Variants in ADAMTSL4 observed in about 807,000 individuals in gnomAD.
ADAMTSL4 encodes ADAMTS-like protein 4.
A neutral mutation model predicts 122.8 loss-of-function variants in ADAMTSL4; 97 were observed. The ratio of observed to expected loss-of-function variants is 0.79; its 90% CI spans 0.67 to 0.93. The LOEUF (loss-of-function observed/expected upper bound fraction) is 0.93, where lower values mean the gene tolerates loss of function less well. Ranked by LOEUF, ADAMTSL4 falls within the 40% of genes least tolerant of loss-of-function variation. The pLI, the probability that ADAMTSL4 is intolerant of heterozygous loss-of-function variation, is 0.00. For synonymous variants in ADAMTSL4, 592 were observed against 568.0 expected, an observed-to-expected ratio of 1.04 and a Z score of -0.60; for missense variants, 1,408 against 1,453.5, an observed-to-expected ratio of 0.97 and a Z score of 0.51.
Position 150,558,946 on chromosome 1 carries a change from C to T in ADAMTSL4, c.2560-16C>T, listed in dbSNP as rs1368195443. On this transcript the variant is annotated splice_polypyrimidine_tract_variant and intron_variant, in intron 15 of 18. Coordinates refer to ENST00000271643, the MANE Select transcript of ADAMTSL4 (RefSeq NM_019032.6). ...ACCAGCAGGCCCCTCACACAGGCCGCTCTCCTCCTCCGCAGTGCTCAGCCG... is the reference window on the plus strand; with the variant it reads ...ACCAGCAGGCCCCTCACACAGGCCGTTCTCCTCCTCCGCAGTGCTCAGCCG... 5 of 1,594,780 alleles carry T rather than the reference C, an allele frequency of 3.1e-6. No individual in the cohort carries two copies. The South Asian group carries it at 5.7e-5, about 18-fold the overall frequency.
rs199705015 is a variant in ADAMTSL4 at position 150,553,726 on chromosome 1, G to C, written c.735G>C (p.Arg245Ser). 5.0e-6 allele frequency: 8 copies of C among 1,612,706 alleles called. No individual in the cohort carries two copies. In the East Asian group the frequency reaches 1.8e-4, roughly 36 times the overall value. ...TAQTEVAPRT[R>S]PAPLRHHPRA... ...AGACAGAGGTGGCCCCCAGAACCAG[G>C]CCTGCCCCCCTACGGCATCACCCCA... The change falls in exon 6 of 19, where the codon AGG becomes AGC. Residue 245 changes from arginine (R) to serine (S), a missense_variant. Transcript: ENST00000271643.
rs769440888 is a variant in ADAMTSL4 at position 150,559,849 on chromosome 1, A to C, written c.3032A>C (p.Gln1011Pro). 1.9e-6 allele frequency: 3 copies of C among 1,613,876 alleles called. No homozygotes were observed. The highest frequency in any genetic ancestry group is 3.3e-5 in the Admixed American group (2 of 60,004). The change falls in exon 18 of 19, where the codon CAA becomes CCA. Residue 1011 changes from glutamine (Q) to proline (P), a missense_variant. Gln to Pro is a moderately conservative substitution (Grantham distance 76). Transcript: ENST00000271643. This position sits in a 1 kb window ranked among gnomAD's most constrained non-coding sequence, Gnocchi z 4.1. ...NQTLSTRCPP[Q>P]LRPSRKRPCN... is the part of the protein sequence containing the mutation. ...ACCCTCAGCACCCGATGCCCTCCTC[A>C]ACTGCGGCCCTCCAGGAAGCGCCCC...
chr1:150,558,749 CGCCTGCTATAT>C (rs1672482132), intron 15 of ADAMTSL4, 100 bp downstream of exon 15: 1 of 1,597,064 alleles, frequency 6.3e-7, no homozygotes, highest in Non-Finnish European at 8.5e-7. Context: ...ATTGATCAAG[CGCCTGCTATAT>C]GCCTGACCCT....
chr1:150,551,036 C>T (rs756191403), intron 2 of ADAMTSL4: 26 of 455,534 alleles, frequency 5.7e-5, no homozygotes, highest in Non-Finnish European at 8.4e-5. Flanking sequence ...GGATGAGGAG[C>T]AGGGGTGGGA....
rs766202192 is a variant in ADAMTSL4 at position 150,554,570 on chromosome 1, T to C, written c.1234+103T>C. 2.6e-6 allele frequency: 4 copies of C among 1,562,584 alleles called. No homozygotes were observed. In the African/African-American group the frequency reaches 5.5e-5, roughly 21 times the overall value. ...CCAGCCCTGAATGACTTCCAGCCCC[T>C]CTGCTTCCCCTGCGCCATGCCTTCT... On this transcript the variant is annotated intron_variant, in intron 7 of 18. Coordinates refer to ENST00000271643, the MANE Select transcript of ADAMTSL4 (RefSeq NM_019032.6). This position sits in a 1 kb window ranked among gnomAD's most constrained non-coding sequence, Gnocchi z 4.0.
chr1:150,558,448 C>T, intron 14 of ADAMTSL4, 25 bp from the exon 15 acceptor site: 2 of 1,612,484 alleles, frequency 1.2e-6, no homozygotes, highest in African/African-American at 1.3e-5. Context: ...AAGCCCAGCT[C>T]CCTGGATTCC....
chr1:150,550,347 A>AGG, intron 2 of ADAMTSL4: 1 of 213,834 alleles, frequency 4.7e-6, no homozygotes, highest in Non-Finnish European at 9.1e-6. Flanking sequence ...TGCGCAGGGG[A>AGG]GGGTGGGGTG....
rs770235285 is a variant in ADAMTSL4, at chr1:150,556,748, G to A, written c.1704G>A (p.Glu568=). The A allele has an allele frequency of 3.1e-6, 5 of 1,613,650 alleles. No individual in the cohort carries two copies. The South Asian group carries it at 5.5e-5, about 18-fold the overall frequency. The part of the protein sequence containing the change: ...NRPPREEGKG[E]SLSAEGPTTQ... ...CTCCCAGGGAGGAGGGCAAAGGGGA[G>A]AGTCTGTCGGCTGAAGGCCCCACCA... The change falls in exon 10 of 19, where the codon GAG becomes GAA. Residue 568 remains glutamate (E), a synonymous_variant. Coordinates refer to ENST00000271643, the MANE Select transcript of ADAMTSL4 (RefSeq NM_019032.6). The surrounding 1 kb of genome is among the most constrained non-coding windows in gnomAD (Gnocchi z 4.1).
rs141413572 is a variant in ADAMTSL4 at position 150,553,431 on chromosome 1, G to A, written c.440G>A (p.Arg147Gln). 291 of 1,613,774 alleles carry A rather than the reference G, an allele frequency of 1.8e-4. 1 individual carries two copies. Among genetic ancestry groups the A allele is most frequent in the African/African-American group, 1.5e-3 (110 of 74,900 alleles). ...CATCTGAAACACCTTCTCAGGTCCC[G>A]GCTTCGAGACCCCATCAAGCCAGGA... ...TQEIRAARRS[R>Q]LRDPIKPGMF... The change falls in exon 6 of 19, where the codon CGG (arginine) becomes CAG (glutamine). Residue 147 changes from arginine (R) to glutamine (Q), a missense_variant. Physicochemically the swap from Arg to Gln is conservative, Grantham distance 43. Transcript: ENST00000271643.
chr1:150,558,303 C>T (rs1672412847), intron 14 of ADAMTSL4, 154 bp downstream of exon 14: 2 of 1,511,032 alleles, frequency 1.3e-6, no homozygotes, highest in Non-Finnish European at 1.8e-6. Flanking sequence ...GGGACTGAAC[C>T]AGGGACTGGG....
Position 150,554,050 on chromosome 1 carries a change from C to A in ADAMTSL4, c.1059C>A (p.Ser353Arg). 1 of 1,608,100 alleles carries A rather than the reference C, an allele frequency of 6.2e-7. No individual in the cohort carries two copies. The highest frequency in any genetic ancestry group is 8.5e-7 in the Non-Finnish European group (1 of 1,179,966). The change falls in exon 6 of 19, where the codon AGC becomes AGA. Residue 353 changes from serine to arginine, a missense_variant. Transcript: ENST00000271643. This position sits in a 1 kb window ranked among gnomAD's most constrained non-coding sequence, Gnocchi z 4.0. ...SNGPHASSLW[S>R]LFAPSSPIPR... Reference sequence around the variant, plus strand: ...GCCCCCATGCCAGCTCCCTCTGGAGCCTCTTTGCTCCCAGTAGCCCTATTC... The same window carrying A: ...GCCCCCATGCCAGCTCCCTCTGGAGACTCTTTGCTCCCAGTAGCCCTATTC...
intron 8 of ADAMTSL4, chr1:150,555,906 A>C: frequency 1.6e-6 from 1 of 607,900 alleles, no homozygotes; most frequent in Non-Finnish European, 2.9e-6. Context: ...CACAGTCTCA[A>C]TTCAACAACA....
intron 2 of ADAMTSL4, chr1:150,551,267 C>T: frequency 2.9e-6 from 1 of 347,008 alleles, no homozygotes; most frequent in South Asian, 2.2e-5. Context: ...CCTCACTGAA[C>T]CAACTCCAGA....
chr1:150,558,556 G>C lies in ADAMTSL4; in HGVS notation c.2466G>C (p.Glu822Asp). Residue 822 changes from glutamate to aspartate, a missense_variant, in exon 15 of 19, where the codon GAG becomes GAC. By Grantham distance (45) the Glu-to-Asp change is conservative (BLOSUM62 2). Coordinates refer to ENST00000271643, the MANE Select transcript of ADAMTSL4 (RefSeq NM_019032.6). The part of the protein sequence containing the change: ...GNNGDEVSEQ[E>D]CASGPPQPPS... ...ATGGTGATGAAGTGAGCGAGCAGGA[G>C]TGTGCGTCAGGCCCCCCGCAGCCCC... 6.2e-7 allele frequency: 1 copy of C among 1,613,910 alleles called. No individual in the cohort carries two copies. The highest frequency in any genetic ancestry group is 8.5e-7 in the Non-Finnish European group (1 of 1,179,982).
Position 150,554,577 on chromosome 1 carries a change from C to G in ADAMTSL4, c.1234+110C>G, listed in dbSNP as rs755252678. 38 of 1,556,828 alleles carry G rather than the reference C, an allele frequency of 2.4e-5. No individual in the cohort carries two copies. The highest frequency in any genetic ancestry group is 3.1e-5 in the Non-Finnish European group (36 of 1,150,218). On this transcript the variant is annotated intron_variant, in intron 7 of 18. Coordinates refer to ENST00000271643, the MANE Select transcript of ADAMTSL4 (RefSeq NM_019032.6). The surrounding 1 kb of genome is among the most constrained non-coding windows in gnomAD (Gnocchi z 4.0). The stretch of plus-strand genomic sequence containing the variant: ...TGAATGACTTCCAGCCCCTCTGCTT[C>G]CCCTGCGCCATGCCTTCTTTCTTCT...
chr1:150,557,716 A>G (rs1672322025), intron 13 of ADAMTSL4, 93 bp downstream of exon 13: 5 of 1,431,688 alleles, frequency 3.5e-6, no homozygotes, highest in Non-Finnish European at 4.7e-6. Context: ...TCAACGCAAC[A>G]TCTCCTGGCT....
intron 14 of ADAMTSL4, 53 bp from the exon 15 acceptor site, chr1:150,558,419 CT>C (rs1392893240): frequency 6.2e-7 from 1 of 1,607,806 alleles, no homozygotes; most frequent in African/African-American, 1.3e-5. Flanking sequence ...GAGCTGGAAG[CT>C]GGCTGAGAAG....
In ADAMTSL4 at chr1:150,560,205, CGG is replaced by C; in HGVS notation, c.*12_*13del. On this transcript the variant is annotated 3_prime_UTR_variant, in exon 19 of 19. Transcript: ENST00000271643. ...CCCAGGATCCCTCCTGAAAGGGGTC[CGG>C]GGCACCTTCACGGTTTTCTGTGCCA... 1 of 1,613,798 alleles carries C rather than the reference CGG, an allele frequency of 6.2e-7. No homozygotes were observed.
Position 150,556,980 on chromosome 1 carries a change from T to C in ADAMTSL4, c.1791T>C (p.Tyr597=). The change falls in exon 11 of 19, where the codon TAT becomes TAC. Residue 597 remains tyrosine (Y), a synonymous_variant. Coordinates refer to ENST00000271643, the MANE Select transcript of ADAMTSL4 (RefSeq NM_019032.6). This position sits in a 1 kb window ranked among gnomAD's most constrained non-coding sequence, Gnocchi z 4.1. ...QEENPGVFYQ[Y]VISSPPPILE... is the part of the protein sequence containing the mutation. Reference sequence around the variant, plus strand: ...AAAACCCAGGCGTTTTTTATCAGTATGTCATCTCTTCACCTCCTCCAATCC... The same window carrying C: ...AAAACCCAGGCGTTTTTTATCAGTACGTCATCTCTTCACCTCCTCCAATCC... 6.2e-7 allele frequency: 1 copy of C among 1,614,142 alleles called. No individual in the cohort carries two copies. Among genetic ancestry groups the C allele is most frequent in the Non-Finnish European group, 8.5e-7 (1 of 1,180,006 alleles).
Sources: gnomAD v4.1 joint callset for allele counts on GRCh38, gnomAD v4.1.1 for gene constraint, Gnocchi (gnomAD v3.1) non-coding constraint, MANE v1.5 for transcripts, NCBI Gene and HGNC (gene_info 2026-07-23, HGNC 2026-07-21) for gene names.